COL14A1: variants seen among roughly 807,000 people sequenced by gnomAD.
The protein encoded by COL14A1 is collagen alpha-1(XIV) chain.
Under a neutral mutation model 230.3 loss-of-function variants are expected in COL14A1, and 136 were observed. The ratio of observed to expected loss-of-function variants is 0.59; its 90% CI spans 0.51 to 0.68. The LOEUF is 0.68. Among genes scored for constraint, COL14A1 ranks in the 30% least tolerant of loss-of-function variants. The pLI, the probability that COL14A1 is intolerant of heterozygous loss-of-function variation, is 0.00. For synonymous variants in COL14A1, 792 were observed against 784.1 expected (o/e 1.01, Z -0.17); for missense variants, 1,976 against 2,215.8 (o/e 0.89, Z 2.17).
intron 45 of COL14A1, among the ~76,000 whole-genome samples, chr8:120,366,070 C>T (rs558032318): frequency 6.6e-6 from 1 of 152,216 alleles, no homozygotes; most frequent in African/African-American, 2.4e-5. Context: ...CAGTGATTTC[C>T]AGAACAAATA....
chr8:120,345,137 G>A (rs1355846041), intron 44 of COL14A1, among the ~76,000 whole-genome samples: 1 of 152,168 alleles, frequency 6.6e-6, no homozygotes. Flanking sequence ...ATGCTGACAT[G>A]AGCTGCAGAA....
chr8:120,286,920 C>A (rs888062559), intron 33 of COL14A1, among the ~76,000 whole-genome samples: 1 of 152,212 alleles, frequency 6.6e-6, no homozygotes, highest in Non-Finnish European at 1.5e-5. Context: ...CTACCAACAT[C>A]TACTGCTTCC....
At chr8:120,174,528 C>T (rs1283477989) in intron 5 of COL14A1, among the ~76,000 whole-genome samples, 2 of 152,254 alleles carry the variant, frequency 1.3e-5, no homozygotes, top group Non-Finnish European at 2.9e-5. Flanking sequence ...TACCAATACA[C>T]ATTTGGAGAA....
At chr8:120,319,412 C>T (rs763757190) in intron 40 of COL14A1, among the ~76,000 whole-genome samples, 109 of 152,038 alleles carry the variant, frequency 7.2e-4, no homozygotes, top group African/African-American at 2.4e-3. Flanking sequence ...TGGCTTCAAG[C>T]GATTCTCCTG....
chr8:120,339,469 A>G (rs1036109182), intron 42 of COL14A1, among the ~76,000 whole-genome samples: 1 of 152,036 alleles, frequency 6.6e-6, no homozygotes, highest in African/African-American at 2.4e-5. Context: ...TTTTTCATCA[A>G]TTTCTGTTTC....
intron 4 of COL14A1, among the ~76,000 whole-genome samples, chr8:120,164,052 C>T (rs768603247): frequency 3.9e-5 from 6 of 152,110 alleles, no homozygotes; most frequent in East Asian, 1.9e-4. Flanking sequence ...GAGACCTAGC[C>T]TAGTTAACTT....
At position 120,360,009 on chromosome 8, in the gene COL14A1, T is replaced by C. The variant is rs145909624; in HGVS notation, c.5078-7162T>C. On this transcript the variant is annotated intron_variant, in intron 45 of 47. Coordinates refer to ENST00000297848, the MANE Select transcript of COL14A1 (RefSeq NM_021110.4). ...AAAATACCAAAGGACCCTCTACCTATACTGTCTTGACTGATAGAGACTAAT... is the reference window on the plus strand; with the variant it reads ...AAAATACCAAAGGACCCTCTACCTACACTGTCTTGACTGATAGAGACTAAT... Among the ~76,000 whole-genome samples the C allele has an allele frequency of 1.2e-3, 187 of 152,344 alleles. 1 individual carries two copies. The highest frequency in any genetic ancestry group is 4.2e-3 in the African/African-American group (174 of 41,580).
chr8:120,362,273 C>T (rs1351208964), intron 45 of COL14A1, among the ~76,000 whole-genome samples: 1 of 152,152 alleles, frequency 6.6e-6, no homozygotes, highest in East Asian at 1.9e-4. Context: ...GGGTTAATAG[C>T]AGTGCCTGCC....
At chr8:120,343,438 A>G (rs145814167) in intron 44 of COL14A1, among the ~76,000 whole-genome samples, 1 of 152,312 alleles carries the variant, frequency 6.6e-6, no homozygotes, top group African/African-American at 2.4e-5. Context: ...AAGCCCTGCA[A>G]TATCTAAGAC....
intron 14 of COL14A1, among the ~76,000 whole-genome samples, chr8:120,224,043 T>TTTTTTTTC (rs1818016443): frequency 6.9e-6 from 1 of 145,766 alleles, no homozygotes; most frequent in African/African-American, 2.6e-5. Context: ...TTTTTTTTTT[T>TTTTTTTTC]TGAGACAGAG....
intron 45 of COL14A1, among the ~76,000 whole-genome samples, chr8:120,348,219 GAAGCATATATA>G (rs1242724119): frequency 6.7e-6 from 1 of 148,202 alleles, no homozygotes; most frequent in African/African-American, 2.5e-5. Context: ...GTATATATAT[GAAGCATATATA>G]AAGCATATAT....
intron 44 of COL14A1, 138 bp downstream of exon 44, chr8:120,342,584 C>G (rs1822344408): frequency 6.6e-6 from 5 of 757,082 alleles, no homozygotes; most frequent in Non-Finnish European, 1.1e-5. Context: ...TTACAGATGA[C>G]CATCACTGAC....
chr8:120,286,980 C>A (rs1563718276), intron 33 of COL14A1, among the ~76,000 whole-genome samples: 1 of 152,066 alleles, frequency 6.6e-6, no homozygotes, highest in Non-Finnish European at 1.5e-5. Flanking sequence ...AGTGCAGCAC[C>A]TACGCTGCAG....
intron 40 of COL14A1, among the ~76,000 whole-genome samples, chr8:120,319,889 A>G (rs1234064612): frequency 2.0e-5 from 3 of 152,214 alleles, no homozygotes; most frequent in Non-Finnish European, 4.4e-5. Flanking sequence ...TGAGGCATTC[A>G]GTTTTCATTC....
intron 1 of COL14A1, among the ~76,000 whole-genome samples, chr8:120,135,422 G>A (rs1787681161): frequency 6.6e-6 from 1 of 151,992 alleles, no homozygotes; most frequent in African/African-American, 2.4e-5. Flanking sequence ...CACCACCACA[G>A]CCTGTCTAAT....
intron 1 of COL14A1, among the ~76,000 whole-genome samples, chr8:120,142,071 AT>A (rs541946441): frequency 0.021 from 3,175 of 149,354 alleles, 38 homozygotes; most frequent in African/African-American, 0.026. Flanking sequence ...TGAAAAGGAA[AT>A]TTTTTTTTTC....
chr8:120,344,029 A>AT (rs1011435825), intron 44 of COL14A1, among the ~76,000 whole-genome samples: 3 of 152,162 alleles, frequency 2.0e-5, no homozygotes, highest in Admixed American at 1.3e-4. Flanking sequence ...TTCAAAATCA[A>AT]TTTTTTCTCC....
intron 25 of COL14A1, 80 bp downstream of exon 25, chr8:120,266,963 G>C (rs1305040058): frequency 8.3e-7 from 1 of 1,209,950 alleles, no homozygotes; most frequent in Non-Finnish European, 1.2e-6. Context: ...TTTCAAACCA[G>C]GATATTAATA....
intron 25 of COL14A1, among the ~76,000 whole-genome samples, chr8:120,267,596 G>A (rs1317101669): frequency 6.6e-6 from 1 of 151,854 alleles, no homozygotes; most frequent in East Asian, 1.9e-4. Context: ...AGAGGCATTT[G>A]ATCTACATTT....
Sources: allele counts gnomAD v4.1 joint callset (sites outside exome capture counted in the v4.1 genomes callset), GRCh38; gene constraint gnomAD v4.1.1; transcripts MANE v1.5; gene names NCBI Gene and HGNC (gene_info 2026-07-23, HGNC 2026-07-21).